Variants in PPFIBP2 observed in about 807,000 individuals in gnomAD.
PPFIBP2 encodes liprin-beta-2.
In PPFIBP2, 118 loss-of-function variants were observed where a neutral mutation model predicts 118.3. That is an observed-to-expected ratio of 1.00 (90% CI 0.86 to 1.16). The LOEUF (loss-of-function observed/expected upper bound fraction) is 1.16. PPFIBP2 is among the 50% of genes most tolerant of loss of function. The pLI is 0.00. For missense variants in PPFIBP2, 1,195 were observed against 1,073.1 expected (o/e 1.11, Z -1.59); for synonymous variants, 414 against 397.4 (o/e 1.04, Z -0.50).
At chr11:7,639,942 C>T in intron 15 of PPFIBP2, 72 bp downstream of exon 15, 1 of 1,526,480 alleles carries the variant, frequency 6.6e-7, no homozygotes, top group Non-Finnish European at 8.8e-7. Flanking sequence ...GTATAAGATC[C>T]CTGCACCTAC....
At chr11:7,613,724 G>T (rs1412479355) in intron 6 of PPFIBP2, among the ~76,000 whole-genome samples, 1 of 152,164 alleles carries the variant, frequency 6.6e-6, no homozygotes, top group African/African-American at 2.4e-5. Context: ...CCTTCCCCAA[G>T]AAAGAAATCT....
rs571532951 is a variant in PPFIBP2, at chr11:7,652,337, A to G, written c.2436+493A>G. Among the ~76,000 whole-genome samples the G allele has an allele frequency of 3.3e-5, 5 of 152,352 alleles. No homozygotes were observed. In the East Asian group the frequency reaches 5.8e-4, roughly 18 times the overall value. On this transcript the variant is annotated intron_variant, in intron 23 of 23. Coordinates refer to ENST00000299492, the MANE Select transcript of PPFIBP2 (RefSeq NM_003621.5). ...AGGTCCCCAGGTCTTTCAAGCACCA[A>G]CACTACTCACTGGGGCTCCCAGAAT...
chr11:7,595,222 G>A (rs971705835), intron 4 of PPFIBP2, among the ~76,000 whole-genome samples: 7 of 152,144 alleles, frequency 4.6e-5, no homozygotes, highest in Non-Finnish European at 7.3e-5. Context: ...AGGGTGGTGC[G>A]AGCTGCCTTT....
chr11:7,608,477 CTA>C (rs1847664159), intron 5 of PPFIBP2, among the ~76,000 whole-genome samples: 4 of 139,906 alleles, frequency 2.9e-5, no homozygotes, highest in African/African-American at 9.9e-5. Flanking sequence ...CCCGTCTCTA[CTA>C]AAAATACAAA....
intron 17 of PPFIBP2, among the ~76,000 whole-genome samples, chr11:7,646,290 C>T (rs1053235857): frequency 2.6e-5 from 4 of 152,130 alleles, no homozygotes; most frequent in Non-Finnish European, 5.9e-5. Flanking sequence ...TTAGCCATAG[C>T]GTTAGAAAAC....
chr11:7,577,328 T>TGTGTGC (rs1554958790), intron 3 of PPFIBP2: 58 of 283,178 alleles, frequency 2.0e-4, no homozygotes, highest in Middle Eastern at 2.5e-3. Context: ...TGCGTGTGTG[T>TGTGTGC]GTGTGTGTGT....
At chr11:7,544,893 G>C (rs964551976) in intron 1 of PPFIBP2, among the ~76,000 whole-genome samples, 3 of 151,834 alleles carry the variant, frequency 2.0e-5, no homozygotes, top group African/African-American at 7.3e-5. Flanking sequence ...CTTCTCCCTG[G>C]TGTGTTGCTT....
intron 7 of PPFIBP2, among the ~76,000 whole-genome samples, chr11:7,623,985 T>A (rs1375655279): frequency 1.3e-5 from 2 of 152,228 alleles, no homozygotes; most frequent in Non-Finnish European, 2.9e-5. Flanking sequence ...GCTCTTGGCC[T>A]CTGTGAGTGG....
chr11:7,604,548 C>G (rs1565041723), intron 5 of PPFIBP2, among the ~76,000 whole-genome samples: 1 of 149,328 alleles, frequency 6.7e-6, no homozygotes, highest in South Asian at 2.1e-4. Context: ...CCCAGCCATA[C>G]ACACACACAC....
At chr11:7,637,322 C>A (rs1244958210) in intron 14 of PPFIBP2, among the ~76,000 whole-genome samples, 7 of 152,226 alleles carry the variant, frequency 4.6e-5, no homozygotes, top group Non-Finnish European at 1.0e-4. Context: ...TCTAAGGACT[C>A]CTCTTCTAGA....
chr11:7,640,562 T>A (rs375558286), intron 15 of PPFIBP2, among the ~76,000 whole-genome samples: 1 of 152,240 alleles, frequency 6.6e-6, no homozygotes, highest in African/African-American at 2.4e-5. Flanking sequence ...AGCTCTTCCC[T>A]GAGCTGGCCC....
At chr11:7,594,071 G>A (rs1859834821) in intron 4 of PPFIBP2, among the ~76,000 whole-genome samples, 1 of 152,156 alleles carries the variant, frequency 6.6e-6, no homozygotes, top group African/African-American at 2.4e-5. Context: ...GCGGGGCCTG[G>A]AACCCACCCC....
At chr11:7,611,325 CTGGTA>C (rs67862303) in intron 6 of PPFIBP2, among the ~76,000 whole-genome samples, 13,735 of 152,128 alleles carry the variant, frequency 0.09, 678 homozygotes, top group Non-Finnish European at 0.1. Context: ...TTGTGAGCAC[CTGGTA>C]TGTCTTCATC....
In PPFIBP2 at chr11:7,635,756, C is replaced by T. The variant is rs565916820; in HGVS notation, c.1236+163C>T. 2.2e-4 allele frequency among the ~76,000 whole-genome samples: 34 copies of T among 152,300 alleles called. No homozygotes were observed. The South Asian group carries it at 6.8e-3, about 31-fold the overall frequency. On this transcript the variant is annotated intron_variant, in intron 14 of 23. Coordinates refer to ENST00000299492, the MANE Select transcript of PPFIBP2 (RefSeq NM_003621.5). ...TTCTCTCCCATTTTATTTTTATGTG[C>T]ACTCAGCTATTTAATATGCTTTTGC...
chr11:7,656,646 C>T, downstream of PPFIBP2: 1 of 1,045,016 alleles, frequency 9.6e-7, no homozygotes, highest in Non-Finnish European at 1.3e-6. Context: ...CACCCAGTGC[C>T]CTCTAGTTCC....
chr11:7,631,820 A>T (rs958779647), intron 11 of PPFIBP2, among the ~76,000 whole-genome samples: 2 of 152,160 alleles, frequency 1.3e-5, no homozygotes, highest in African/African-American at 4.8e-5. Context: ...AGTCTTACCA[A>T]GTCTTACTGG....
intron 2 of PPFIBP2, among the ~76,000 whole-genome samples, chr11:7,553,313 T>C (rs72849061): frequency 0.049 from 7,521 of 152,272 alleles, 235 homozygotes; most frequent in African/African-American, 0.1. Flanking sequence ...TGACAGGAGC[T>C]ATTTGACAGA....
At chr11:7,630,895 A>C (rs1565090850) in intron 10 of PPFIBP2, 30 bp from the exon 11 acceptor site, 1 of 1,513,492 alleles carries the variant, frequency 6.6e-7, no homozygotes, top group East Asian at 2.3e-5. Flanking sequence ...TGAATTCAAC[A>C]ATTCAGTCTT....
rs145616518 is a variant in PPFIBP2, at chr11:7,609,409, T to C, written c.487-882T>C. Among the ~76,000 whole-genome samples, 14 of 152,356 alleles carry C rather than the reference T, an allele frequency of 9.2e-5. No homozygotes were observed. The East Asian group carries it at 2.1e-3, about 23-fold the overall frequency. ...CCATGTGCCGGGATTTTGGACCTCA[T>C]AGGACATTGCCCTTTGCCAATGGAA... On this transcript the variant is annotated intron_variant, in intron 5 of 23. Transcript: ENST00000299492.
Sources: allele counts gnomAD v4.1 joint callset (sites outside exome capture counted in the v4.1 genomes callset), GRCh38; gene constraint gnomAD v4.1.1; transcripts MANE v1.5; gene names NCBI Gene and HGNC (gene_info 2026-07-23, HGNC 2026-07-21).